Variants in POLR3G observed in about 807,000 individuals in gnomAD.
The protein encoded by POLR3G is DNA-directed RNA polymerase III subunit RPC7.
A neutral mutation model predicts 30.1 loss-of-function variants in POLR3G; 28 were observed. That is an observed-to-expected ratio of 0.93 (90% CI 0.69 to 1.27). POLR3G has a LOEUF of 1.27. POLR3G is among the 50% of genes most tolerant of loss of function. The probability of loss-of-function intolerance (pLI) is 0.00; values close to 1 mark genes in which losing one functional copy is unlikely to be tolerated. For synonymous variants in POLR3G, 79 were observed against 82.5 expected, an observed-to-expected ratio of 0.96 and a Z score of 0.23; for missense variants, 254 against 264.6, an observed-to-expected ratio of 0.96 and a Z score of 0.28.
chr5:90,478,261 T>G (rs1750937393), intron 1 of POLR3G, among the ~76,000 whole-genome samples: 1 of 152,174 alleles, frequency 6.6e-6, no homozygotes, highest in Non-Finnish European at 1.5e-5. Context: ...TCAGAACAAT[T>G]CTGAATAGAA....
intron 1 of POLR3G, among the ~76,000 whole-genome samples, chr5:90,483,001 A>T (rs1221675735): frequency 6.6e-6 from 1 of 152,052 alleles, no homozygotes; most frequent in Non-Finnish European, 1.5e-5. Context: ...TTAGACAGGC[A>T]TGGTGGCGCA....
chr5:90,484,644 ATTC>A (rs1470646937), intron 1 of POLR3G, among the ~76,000 whole-genome samples: 2 of 152,278 alleles, frequency 1.3e-5, no homozygotes, highest in East Asian at 3.9e-4. Flanking sequence ...AAGTGAGTAG[ATTC>A]AGAAATGAGA....
At chr5:90,502,046 G>A (rs2151912333) in intron 6 of POLR3G, 58 bp downstream of exon 6, 8 of 1,564,788 alleles carry the variant, frequency 5.1e-6, no homozygotes, top group Non-Finnish European at 6.1e-6. Context: ...ATCCTACCTC[G>A]TTTTGCTCTG....
intron 6 of POLR3G, chr5:90,502,288 A>T: frequency 2.0e-6 from 2 of 976,666 alleles, no homozygotes; most frequent in Non-Finnish European, 2.4e-6. Flanking sequence ...AGAGAGAAAC[A>T]TGAACAAGTT....
chr5:90,511,257 C>A (rs1191739602), intron 7 of POLR3G, among the ~76,000 whole-genome samples: 1 of 152,156 alleles, frequency 6.6e-6, no homozygotes, highest in Admixed American at 6.5e-5. Context: ...ATCATTATAA[C>A]ACCCCATACA....
At chr5:90,482,509 C>T (rs1021953262) in intron 1 of POLR3G, among the ~76,000 whole-genome samples, 3 of 152,252 alleles carry the variant, frequency 2.0e-5, no homozygotes, top group African/African-American at 7.2e-5. Context: ...AAACAAACCT[C>T]CTCCTTGCCT....
At chr5:90,495,221 T>G (rs1053009639) in intron 3 of POLR3G, among the ~76,000 whole-genome samples, 4 of 152,222 alleles carry the variant, frequency 2.6e-5, no homozygotes, top group African/African-American at 9.6e-5. Context: ...TAGTATTACC[T>G]TCCCTTTTTC....
intron 4 of POLR3G, among the ~76,000 whole-genome samples, chr5:90,496,010 C>CA (rs1751968674): frequency 2.0e-5 from 3 of 151,806 alleles, no homozygotes; most frequent in Admixed American, 2.0e-4. Context: ...CTTGCTCTGT[C>CA]GCCCAGGCTG....
At chr5:90,486,865 T>C (rs1260090504) in intron 2 of POLR3G, among the ~76,000 whole-genome samples, 1 of 152,212 alleles carries the variant, frequency 6.6e-6, no homozygotes, top group African/African-American at 2.4e-5. Context: ...CTTTGACTTA[T>C]TTATCATGGT....
chr5:90,501,618 G>A (rs1245563013), intron 5 of POLR3G, among the ~76,000 whole-genome samples: 2 of 151,978 alleles, frequency 1.3e-5, no homozygotes, highest in East Asian at 3.9e-4. Flanking sequence ...AGCAGTTTTG[G>A]CCCTAATGAT....
intron 3 of POLR3G, chr5:90,490,734 TA>T (rs1751684400): frequency 3.3e-6 from 1 of 298,916 alleles, no homozygotes; most frequent in South Asian, 2.8e-5. Context: ...ATATAGTGTT[TA>T]AAAAACACAC....
intron 5 of POLR3G, among the ~76,000 whole-genome samples, chr5:90,499,398 A>G (rs1172398686): frequency 6.6e-6 from 1 of 152,198 alleles, no homozygotes; most frequent in Admixed American, 6.5e-5. Flanking sequence ...GATGTTAGAC[A>G]TTGCTGCTAA....
intron 6 of POLR3G, chr5:90,502,354 G>C (rs1234601736): frequency 1.1e-6 from 1 of 923,292 alleles, no homozygotes; most frequent in East Asian, 1.2e-4. Context: ...TCCTCCTGTT[G>C]GTTAATATGT....
intron 3 of POLR3G, among the ~76,000 whole-genome samples, chr5:90,494,534 T>A (rs1408586155): frequency 6.6e-6 from 1 of 152,016 alleles, no homozygotes; most frequent in African/African-American, 2.4e-5. Context: ...TTCCAATTTT[T>A]CCATATCCTT....
At chr5:90,489,719 A>G (rs1751626316) in intron 3 of POLR3G, among the ~76,000 whole-genome samples, 1 of 152,362 alleles carries the variant, frequency 6.6e-6, no homozygotes, top group East Asian at 1.9e-4. Context: ...AATGCAGGGT[A>G]TACTTTAGTG....
intron 1 of POLR3G, among the ~76,000 whole-genome samples, chr5:90,477,890 G>A (rs760148071): frequency 6.6e-6 from 1 of 152,178 alleles, no homozygotes; most frequent in African/African-American, 2.4e-5. Context: ...ACCCTCTAGG[G>A]GTTTCCATTT....
upstream of POLR3G, chr5:90,474,576 C>T: frequency 2.1e-6 from 1 of 469,554 alleles, no homozygotes; most frequent in Non-Finnish European, 3.8e-6. Context: ...CCTCGGCAGC[C>T]GCACCACGAG....
At chr5:90,505,288 G>C (rs918705256) in intron 6 of POLR3G, among the ~76,000 whole-genome samples, 1 of 152,104 alleles carries the variant, frequency 6.6e-6, no homozygotes, top group Admixed American at 6.5e-5. Context: ...TCACATTTTA[G>C]CTGAGGTGAC....
At chr5:90,505,383 A>G (rs1752435514) in intron 6 of POLR3G, among the ~76,000 whole-genome samples, 1 of 152,232 alleles carries the variant, frequency 6.6e-6, no homozygotes, top group South Asian at 2.1e-4. Context: ...CAAATTGAGC[A>G]TAGTACAATT....
Sources: allele counts gnomAD v4.1 joint callset (sites outside exome capture counted in the v4.1 genomes callset), GRCh38; gene constraint gnomAD v4.1.1; transcripts MANE v1.5; gene names NCBI Gene and HGNC (gene_info 2026-07-23, HGNC 2026-07-21).